VCL: variants seen among roughly 807,000 people sequenced by gnomAD.
VCL encodes the protein epididymis luminal protein 114.
A neutral mutation model predicts 125.7 loss-of-function variants in VCL; 47 were observed. The ratio of observed to expected loss-of-function variants is 0.37; its 90% CI spans 0.30 to 0.48. The LOEUF is 0.48. VCL is among the 20% of genes least tolerant of loss of function. The probability of loss-of-function intolerance (pLI) is 0.99; values close to 1 mark genes in which losing one functional copy is unlikely to be tolerated. For synonymous variants in VCL, 458 were observed against 514.6 expected (o/e 0.89, Z 1.49); for missense variants, 1,069 against 1,455.5 (o/e 0.73, Z 4.32).
At chr10:74,010,194 G>A (rs984397810) in intron 1 of VCL, among the ~76,000 whole-genome samples, 30 of 152,154 alleles carry the variant, frequency 2.0e-4, no homozygotes, top group Admixed American at 2.0e-3. Context: ...CAAAGTGTTG[G>A]GATTACAGGC....
rs1346661728 is a variant in VCL, at chr10:74,074,758, T to C, written c.638T>C (p.Val213Ala). Residue 213 changes from valine (V) to alanine (A), a missense_variant, in exon 6 of 22, where the codon GTA becomes GCA. By Grantham distance (64) the Val-to-Ala change is moderately conservative (BLOSUM62 0). Transcript: ENST00000211998. ...PVLISAMKIF[V>A]TTKNSKNQGI... is the part of the protein sequence containing the mutation. ...ATTTTTACAGCTATGAAGATTTTTG[T>C]AACAACTAAAAACTCAAAAAACCAA... is the stretch of plus-strand genomic sequence containing the variant. The C allele has an allele frequency of 6.2e-7, 1 of 1,613,168 alleles. No homozygotes were observed. Among genetic ancestry groups the C allele is most frequent in the South Asian group, 1.1e-5 (1 of 90,760 alleles).
chr10:74,094,611 A>G (rs1839937637), intron 11 of VCL, 150 bp downstream of exon 11: 3 of 1,061,038 alleles, frequency 2.8e-6, no homozygotes, highest in Admixed American at 4.0e-5. Context: ...TGCAGCCAGT[A>G]AAATTCCTGT....
Position 74,119,520 on chromosome 10 carries a change from T to C in VCL, c.*1351T>C, listed in dbSNP as rs1400302308. ...CATATTTCTTATCACCACAGTAAGTTCCTACTAGGCAAAATGAGAGGGCAG... is the reference window on the plus strand; with the variant it reads ...CATATTTCTTATCACCACAGTAAGTCCCTACTAGGCAAAATGAGAGGGCAG... On this transcript the variant is annotated 3_prime_UTR_variant, in exon 22 of 22. Transcript: ENST00000211998. 2 of 152,234 alleles carry C rather than the reference T, an allele frequency of 1.3e-5. No individual in the cohort carries two copies. The highest frequency in any genetic ancestry group is 4.8e-5 in the African/African-American group (2 of 41,458). 9.4% of individuals were successfully genotyped at this position (152,234 alleles called of 1,614,324 possible). A position where few individuals can be genotyped will look rare whatever the true frequency, so the allele number is the denominator to read the frequency against.
At chr10:74,045,027 T>G (rs879401683) in intron 2 of VCL, among the ~76,000 whole-genome samples, 2 of 151,272 alleles carry the variant, frequency 1.3e-5, no homozygotes, top group Non-Finnish European at 2.9e-5. Flanking sequence ...AAACATTAGC[T>G]CCGTGTGGTG....
At chr10:74,112,239 C>A in intron 19 of VCL, 127 bp downstream of exon 19, 1 of 1,209,354 alleles carries the variant, frequency 8.3e-7, no homozygotes, top group Non-Finnish European at 1.2e-6. Flanking sequence ...ATCTGTCTGT[C>A]TGCACCATGT....
intron 1 of VCL, among the ~76,000 whole-genome samples, chr10:74,007,498 C>CAAA: frequency 1.3e-5 from 2 of 151,866 alleles, no homozygotes. Flanking sequence ...TATAGGTATG[C>CAAA]AATATACTTT....
chr10:74,034,682 T>C (rs61677444), intron 1 of VCL, among the ~76,000 whole-genome samples: 82 of 152,312 alleles, frequency 5.4e-4, no homozygotes, highest in African/African-American at 1.9e-3. Context: ...AATGAATAAG[T>C]TGGAAATCAG....
intron 6 of VCL, among the ~76,000 whole-genome samples, chr10:74,079,270 C>A (rs568796235): frequency 1.3e-5 from 2 of 152,114 alleles, no homozygotes; most frequent in African/African-American, 2.4e-5. Flanking sequence ...CCAGCTGTCC[C>A]CAAAGCCACA....
chr10:74,116,696 A>AT (rs202238672), intron 21 of VCL, among the ~76,000 whole-genome samples: 1,842 of 151,266 alleles, frequency 0.012, 22 homozygotes, highest in East Asian at 0.029. Flanking sequence ...CAAAAAAAAA[A>AT]AATAATAATA....
At chr10:74,002,219 A>G (rs1840239432) in intron 1 of VCL, among the ~76,000 whole-genome samples, 1 of 152,116 alleles carries the variant, frequency 6.6e-6, no homozygotes. Flanking sequence ...TCTGTCTCCC[A>G]GGTTCAAGTG....
rs754416630 is a variant in VCL at position 74,089,362 on chromosome 10, A to AT, written c.1176+17dup. On this transcript the variant is annotated intron_variant, in intron 9 of 21. Coordinates refer to ENST00000211998, the MANE Select transcript of VCL (RefSeq NM_014000.3). Reference sequence around the variant, plus strand: ...CGATGCTGCTCAGGTAGTCACAGTGATTTTCAGGAGGGGTGGGAAATATTT... The same window carrying AT: ...CGATGCTGCTCAGGTAGTCACAGTGATTTTTCAGGAGGGGTGGGAAATATTT... The AT allele has an allele frequency of 1.2e-6, 2 of 1,612,640 alleles. No homozygotes were observed. Among genetic ancestry groups the AT allele is most frequent in the Admixed American group, 3.3e-5 (2 of 59,996 alleles).
At chr10:74,041,296 C>T (rs1841089813) in intron 1 of VCL, among the ~76,000 whole-genome samples, 1 of 151,680 alleles carries the variant, frequency 6.6e-6, no homozygotes, top group Non-Finnish European at 1.5e-5. Context: ...TGATTTAGTA[C>T]TCTTAGGTGG....
intron 16 of VCL, 86 bp downstream of exon 16, chr10:74,105,439 C>T (rs1192779735): frequency 6.4e-7 from 1 of 1,554,634 alleles, no homozygotes; most frequent in Non-Finnish European, 8.8e-7. Context: ...CCACAACCAC[C>T]ACATACAAAG....
chr10:74,115,263 C>T (rs949955795), intron 21 of VCL, among the ~76,000 whole-genome samples: 69 of 152,074 alleles, frequency 4.5e-4, no homozygotes, highest in African/African-American at 1.4e-3. Flanking sequence ...GAATTGGGAG[C>T]CAGGTGTGGT....
At chr10:74,053,200 T>C (rs1277562028) in intron 2 of VCL, among the ~76,000 whole-genome samples, 1 of 152,044 alleles carries the variant, frequency 6.6e-6, no homozygotes, top group Non-Finnish European at 1.5e-5. Flanking sequence ...CTGTATCTGG[T>C]GGTGTCTTTG....
In VCL at chr10:74,108,582, C is replaced by A. The variant is rs186538079; in HGVS notation, c.2560-389C>A. On this transcript the variant is annotated intron_variant, in intron 17 of 21. Coordinates refer to ENST00000211998, the MANE Select transcript of VCL (RefSeq NM_014000.3). ...GCAACCTCTGCCTCCCGGGTTCAAG[C>A]AATTCTCCTGCCTCAGCTTCTTGAG... is the stretch of plus-strand genomic sequence containing the variant. 9.2e-5 allele frequency among the ~76,000 whole-genome samples: 14 copies of A among 152,198 alleles called. No homozygotes were observed. The East Asian group carries it at 2.5e-3, about 27-fold the overall frequency.
chr10:74,021,671 T>C (rs1027201085), intron 1 of VCL, among the ~76,000 whole-genome samples: 2 of 152,238 alleles, frequency 1.3e-5, no homozygotes, highest in Non-Finnish European at 2.9e-5. Context: ...TGGGCTGTTC[T>C]AAAGCTTCTG....
chr10:74,106,519 C>T (rs1840137272), intron 16 of VCL, among the ~76,000 whole-genome samples: 2 of 152,060 alleles, frequency 1.3e-5, no homozygotes, highest in South Asian at 2.1e-4. Flanking sequence ...TAATTGGAGC[C>T]GCTCCTTTGG....
chr10:73,999,160 C>T (rs1436164351), intron 1 of VCL, among the ~76,000 whole-genome samples: 1 of 152,236 alleles, frequency 6.6e-6, no homozygotes. Flanking sequence ...CAAACGGCCT[C>T]CTCCCACTGG....
Sources: allele counts gnomAD v4.1 joint callset (sites outside exome capture counted in the v4.1 genomes callset), GRCh38; gene constraint gnomAD v4.1.1; transcripts MANE v1.5; gene names NCBI Gene and HGNC (gene_info 2026-07-23, HGNC 2026-07-21).